RAPH1: variants seen among roughly 807,000 people sequenced by gnomAD.
The protein encoded by RAPH1 is ras-associated and pleckstrin homology domains-containing protein 1.
RAPH1 carries 18 observed loss-of-function variants against 88.1 expected under a neutral mutation model. The ratio of observed to expected loss-of-function variants is 0.20; its 90% CI spans 0.14 to 0.30. The LOEUF (loss-of-function observed/expected upper bound fraction) is 0.30, where lower values mean the gene tolerates loss of function less well. Among genes scored for constraint, RAPH1 ranks in the 10% least tolerant of loss-of-function variants. RAPH1 has a pLI of 1.00. For synonymous variants in RAPH1, 587 were observed against 559.0 expected (o/e 1.05, Z -0.71); for missense variants, 1,448 against 1,543.2 (o/e 0.94, Z 1.03).
chr2:203,473,487 G>A (rs773677891), intron 4 of RAPH1, among the ~76,000 whole-genome samples: 4 of 152,020 alleles, frequency 2.6e-5, no homozygotes, highest in Admixed American at 6.5e-5. Flanking sequence ...TACCAGGGCC[G>A]TATTATCAGT....
rs376202043 is a variant in RAPH1 at position 203,506,800 on chromosome 2, A to C, written c.1-11447T>G. On this transcript the variant is annotated intron_variant, in intron 1 of 13. Transcript: ENST00000319170. ...TATATCTAGATATATATATCTATAT[A>C]TATATCTATATCTATATATCTATAT... Among the ~76,000 whole-genome samples the C allele has an allele frequency of 1.3e-3, 153 of 121,470 alleles. 5 individuals are homozygous for C. Among genetic ancestry groups the C allele is most frequent in the East Asian group, 9.5e-3 (43 of 4,546 alleles). 79.7% of individuals were successfully genotyped at this position (121,470 alleles called of 152,430 possible).
chr2:203,461,462 A>G, intron 5 of RAPH1, 54 bp from the exon 6 acceptor site: 1 of 1,343,942 alleles, frequency 7.4e-7, no homozygotes, highest in Non-Finnish European at 1.0e-6. Context: ...CATTCTAGGA[A>G]AGGCACTGAT....
chr2:203,481,594 T>TAC (rs1553625581), intron 4 of RAPH1, among the ~76,000 whole-genome samples: 14 of 131,916 alleles, frequency 1.1e-4, no homozygotes, highest in Non-Finnish European at 1.7e-4. Flanking sequence ...TATATATATA[T>TAC]ACACATTTTT....
At chr2:203,468,696 T>C (rs1395915894) in intron 4 of RAPH1, among the ~76,000 whole-genome samples, 1 of 152,210 alleles carries the variant, frequency 6.6e-6, no homozygotes, top group Non-Finnish European at 1.5e-5. Flanking sequence ...TGGCAGTTCA[T>C]GGCTCAATAA....
chr2:203,504,390 A>T (rs1489884869), intron 1 of RAPH1, among the ~76,000 whole-genome samples: 1 of 152,128 alleles, frequency 6.6e-6, no homozygotes, highest in Non-Finnish European at 1.5e-5. Context: ...TGGGGCTTCC[A>T]CCCTCTGAAG....
chr2:203,440,845 A>G lies in RAPH1; in HGVS notation c.2345T>C (p.Leu782Pro), dbSNP rs200612063. ...PLPPQAPPKP[L>P]VTIPAPTSTK... ...GCTGGTTGGTGCGGGGATGGTCACA[A>G]GGGGTTTTGGGGGAGCTTGGGGAGG... is the stretch of plus-strand genomic sequence containing the variant. Residue 782 changes from leucine (L) to proline (P), a missense_variant, in exon 14 of 14, where the codon CTT becomes CCT. This residue lies in a region of RAPH1 where 935 missense variants were observed against 890.1 expected (regional missense o/e 1.05). Transcript: ENST00000319170. 350 of 959,928 alleles carry G rather than the reference A, an allele frequency of 3.6e-4. 2 individuals carry two copies. In the East Asian group the frequency reaches 0.019, roughly 53 times the overall value. 59.5% of individuals were successfully genotyped at this position (959,928 alleles called of 1,614,324 possible).
At chr2:203,521,961 A>G (rs1451020407) in intron 1 of RAPH1, among the ~76,000 whole-genome samples, 1 of 152,194 alleles carries the variant, frequency 6.6e-6, no homozygotes, top group Admixed American at 6.5e-5. Flanking sequence ...AGTGAAAGAA[A>G]GAAAAAAGGA....
chr2:203,531,566 C>T (rs1404798854), intron 1 of RAPH1, among the ~76,000 whole-genome samples: 2 of 152,136 alleles, frequency 1.3e-5, no homozygotes, highest in African/African-American at 4.8e-5. Flanking sequence ...AAAAATGAGT[C>T]AAGGACTTGG....
chr2:203,483,918 T>C (rs1369419916), intron 4 of RAPH1, among the ~76,000 whole-genome samples: 3 of 152,148 alleles, frequency 2.0e-5, no homozygotes, highest in African/African-American at 4.8e-5. Context: ...CTGATAATTA[T>C]ACCATGGGCT....
chr2:203,434,056 C>CTATATATATATATA lies in RAPH1; in HGVS notation c.*5367_*5380dup, dbSNP rs372040819. 1 of 145,646 alleles carries CTATATATATATATA rather than the reference C, an allele frequency of 6.9e-6. No homozygotes were observed. The highest frequency in any genetic ancestry group is 2.5e-5 in the African/African-American group (1 of 39,222). The allele number at this position is 145,646 out of a possible 1,614,324, so 9.0% of individuals were successfully genotyped here. On this transcript the variant is annotated 3_prime_UTR_variant, in exon 14 of 14. Coordinates refer to ENST00000319170, the MANE Select transcript of RAPH1 (RefSeq NM_213589.3). Reference sequence around the variant, plus strand: ...CTCTCTCATATATCTATCTATCTATCTATATATATATATATATATATATAG... The same window carrying CTATATATATATATA: ...CTCTCTCATATATCTATCTATCTATCTATATATATATATATATATATATATATATATATATATAG...
At chr2:203,526,781 T>C (rs890020110) in intron 1 of RAPH1, among the ~76,000 whole-genome samples, 2 of 148,332 alleles carry the variant, frequency 1.3e-5, no homozygotes, top group Admixed American at 1.3e-4. Flanking sequence ...ATTAACAATT[T>C]TTCTTTTTCT....
intron 1 of RAPH1, among the ~76,000 whole-genome samples, chr2:203,506,313 G>A (rs1188123355): frequency 6.6e-6 from 1 of 152,050 alleles, no homozygotes; most frequent in Non-Finnish European, 1.5e-5. Flanking sequence ...AAAGCCTGGT[G>A]GCAATGACAC....
intron 1 of RAPH1, among the ~76,000 whole-genome samples, chr2:203,516,668 G>A (rs551357439): frequency 2.2e-4 from 33 of 152,106 alleles, no homozygotes; most frequent in Non-Finnish European, 4.4e-4. Context: ...GGAAGCAGAG[G>A]TTTCAGTGAG....
chr2:203,491,678 T>C (rs1176966671), intron 2 of RAPH1, among the ~76,000 whole-genome samples: 1 of 152,120 alleles, frequency 6.6e-6, no homozygotes, highest in African/African-American at 2.4e-5. Context: ...CGGCTAATTT[T>C]TGTATTTTTA....
intron 4 of RAPH1, among the ~76,000 whole-genome samples, chr2:203,481,758 AT>A (rs757903816): frequency 1.3e-3 from 183 of 137,298 alleles, no homozygotes; most frequent in Non-Finnish European, 1.8e-3. Flanking sequence ...CGCCAGGATA[AT>A]TTTTTTTTTT....
At position 203,502,485 on chromosome 2, in the gene RAPH1, T is replaced by C. The variant is rs146841016; in HGVS notation, c.1-7132A>G. On this transcript the variant is annotated intron_variant, in intron 1 of 13. Transcript: ENST00000319170. ...GAACTATTTTAACAGTTGGTAGAGA[T>C]TGTATTGCCTAAGAGTTATAAATCA... is the stretch of plus-strand genomic sequence containing the variant. 6.0e-4 allele frequency among the ~76,000 whole-genome samples: 92 copies of C among 152,310 alleles called. 1 individual carries two copies. The highest frequency in any genetic ancestry group is 3.4e-3 in the Middle Eastern group (1 of 294).
rs1316770074 is a variant in RAPH1 at position 203,436,540 on chromosome 2, A to T, written c.*2897T>A. On this transcript the variant is annotated 3_prime_UTR_variant, in exon 14 of 14. Coordinates refer to ENST00000319170, the MANE Select transcript of RAPH1 (RefSeq NM_213589.3). ...GTGCCAAAACTCTAAGCATAGAGTG[A>T]TTCTACTTTGAAATTATCCATAGTA... 1.3e-5 allele frequency: 2 copies of T among 152,228 alleles called. No individual in the cohort carries two copies. Among genetic ancestry groups the T allele is most frequent in the African/African-American group, 4.8e-5 (2 of 41,458 alleles). 9.4% of individuals were successfully genotyped at this position (152,228 alleles called of 1,614,324 possible).
rs978965214 is a variant in RAPH1, at chr2:203,441,972, A to ATT, written c.1777-560_1777-559insAA. On this transcript the variant is annotated intron_variant, in intron 13 of 13. Transcript: ENST00000319170. ...AGCAGGCGTGCACAGTCACACAGGAATGAATAAGCTTGACACACACACTCG... is the reference window on the plus strand; with the variant it reads ...AGCAGGCGTGCACAGTCACACAGGAATTTGAATAAGCTTGACACACACACTCG... 9 of 1,496,988 alleles carry ATT rather than the reference A, an allele frequency of 6.0e-6. No homozygotes were observed. In the African/African-American group the frequency reaches 1.0e-4, roughly 17 times the overall value. 92.7% of individuals were successfully genotyped at this position (1,496,988 alleles called of 1,614,324 possible). A position where few individuals can be genotyped will look rare whatever the true frequency, so the allele number is the denominator to read the frequency against.
rs1257770371 is a variant in RAPH1, at chr2:203,448,529, A to C, written c.1512+209T>G. Among the ~76,000 whole-genome samples the C allele has an allele frequency of 6.6e-6, 1 of 152,254 alleles. No individual in the cohort carries two copies. The highest frequency in any genetic ancestry group is 2.4e-5 in the African/African-American group (1 of 41,476). Reference sequence around the variant, plus strand: ...TGATACTACACAAGCTTTTACCAGCAATATTATTCCAAGTATACCAAATGT... The same window carrying C: ...TGATACTACACAAGCTTTTACCAGCCATATTATTCCAAGTATACCAAATGT... On this transcript the variant is annotated intron_variant, in intron 11 of 13. Coordinates refer to ENST00000319170, the MANE Select transcript of RAPH1 (RefSeq NM_213589.3). This position sits in a 1 kb window ranked among gnomAD's most constrained non-coding sequence, Gnocchi z 4.1.
Sources: gnomAD v4.1 joint callset for allele counts (sites outside exome capture counted in the v4.1 genomes callset) on GRCh38, gnomAD v4.1.1 for gene constraint, gnomAD v4.1.1 regional missense constraint, Gnocchi (gnomAD v3.1) non-coding constraint, MANE v1.5 for transcripts, NCBI Gene and HGNC (gene_info 2026-07-23, HGNC 2026-07-21) for gene names.